TBC1D5: variants seen among roughly 807,000 people sequenced by gnomAD.
TBC1D5 encodes the protein TBC1 domain family, member 5.
TBC1D5 carries 75 observed loss-of-function variants against 100.3 expected under a neutral mutation model. The ratio of observed to expected loss-of-function variants is 0.75; its 90% CI spans 0.62 to 0.91. The LOEUF is 0.91. Among genes scored for constraint, TBC1D5 ranks in the 40% least tolerant of loss-of-function variants. The probability of loss-of-function intolerance (pLI) is 0.00; values close to 1 mark genes in which losing one functional copy is unlikely to be tolerated. For missense variants in TBC1D5, 910 were observed against 942.4 expected, an observed-to-expected ratio of 0.97 and a Z score of 0.45; for synonymous variants, 323 against 325.6, an observed-to-expected ratio of 0.99 and a Z score of 0.09.
In TBC1D5 at chr3:17,616,455, G is replaced by A. The variant is rs558070376; in HGVS notation, c.-36+7394C>T. On this transcript the variant is annotated intron_variant, in intron 2 of 21. Coordinates refer to ENST00000253692, the Ensembl canonical transcript of TBC1D5. ...TCCTGGATATCTTTGTTAACCTTCTGTCTCGGTGATCTGTCTAATACTGAC... is the reference window on the plus strand; with the variant it reads ...TCCTGGATATCTTTGTTAACCTTCTATCTCGGTGATCTGTCTAATACTGAC... 9.9e-5 allele frequency among the ~76,000 whole-genome samples: 15 copies of A among 152,088 alleles called. No individual in the cohort carries two copies. In the South Asian group the frequency reaches 3.1e-3, roughly 32 times the overall value.
At chr3:17,378,805 TAA>T (rs921086875) in intron 9 of TBC1D5, among the ~76,000 whole-genome samples, 6 of 151,530 alleles carry the variant, frequency 4.0e-5, no homozygotes, top group Admixed American at 2.6e-4. Context: ...TTAACTGATA[TAA>T]GTTTAATTTT....
intron 19 of TBC1D5, among the ~76,000 whole-genome samples, chr3:17,178,522 A>G (rs563743021): frequency 7.1e-6 from 1 of 140,878 alleles, no homozygotes; most frequent in East Asian, 3.1e-4. Context: ...CCTTTTGAGT[A>G]TATACCCTGG....
At chr3:17,663,892 C>G (rs749128989) in intron 1 of TBC1D5, among the ~76,000 whole-genome samples, 2 of 152,002 alleles carry the variant, frequency 1.3e-5, no homozygotes, top group Non-Finnish European at 2.9e-5. Flanking sequence ...ATATTTTCTG[C>G]TCACAATATA....
At chr3:17,477,069 G>A (rs1357457499) in intron 3 of TBC1D5, among the ~76,000 whole-genome samples, 1 of 151,770 alleles carries the variant, frequency 6.6e-6, no homozygotes, top group African/African-American at 2.4e-5. Flanking sequence ...TCATATTAAA[G>A]AAGGTCTCCT....
chr3:17,427,161 G>C (rs1446327452), intron 4 of TBC1D5, among the ~76,000 whole-genome samples: 4 of 151,938 alleles, frequency 2.6e-5, no homozygotes, highest in Admixed American at 2.6e-4. Flanking sequence ...AGGTAGGATG[G>C]ATATAGTGAA....
At chr3:17,556,638 A>G (rs2096524051) in intron 2 of TBC1D5, among the ~76,000 whole-genome samples, 1 of 152,228 alleles carries the variant, frequency 6.6e-6, no homozygotes, top group Non-Finnish European at 1.5e-5. Context: ...CAAGAGTGAC[A>G]TTTTTAAAAG....
At chr3:17,254,774 G>GGGC (rs1553636800) in intron 16 of TBC1D5, among the ~76,000 whole-genome samples, 2 of 98,982 alleles carry the variant, frequency 2.0e-5, no homozygotes, top group African/African-American at 7.9e-5. Flanking sequence ...GGTGGGGGGG[G>GGGC]GGTCCCAAGA....
chr3:17,457,673 T>C (rs890041339), intron 3 of TBC1D5, among the ~76,000 whole-genome samples: 9 of 152,212 alleles, frequency 5.9e-5, no homozygotes, highest in African/African-American at 2.2e-4. Context: ...TGTGTTTTGG[T>C]TCTAATTGCT....
chr3:17,646,842 C>T (rs1323916330), intron 1 of TBC1D5: 3 of 152,104 alleles, frequency 2.0e-5, no homozygotes, highest in Non-Finnish European at 4.4e-5. Context: ...GCACCCATCA[C>T]CCAAATAGTG....
chr3:17,186,710 CAAAAAAAAAA>C (rs58438478), intron 18 of TBC1D5, among the ~76,000 whole-genome samples: 6 of 27,280 alleles, frequency 2.2e-4, no homozygotes, highest in South Asian at 5.2e-3. Context: ...ACTCTATCTC[CAAAAAAAAAA>C]AAAAAAAAAA....
At position 17,296,337 on chromosome 3, in the gene TBC1D5, G is replaced by A. The variant is rs192344587; in HGVS notation, c.1139-4336C>T. On this transcript the variant is annotated intron_variant, in intron 14 of 21. Transcript: ENST00000253692. ...AGTGCCTTGCCAGACACCTGGCATA[G>A]AGAAAACATTCAATAAATGTAATGC... Among the ~76,000 whole-genome samples, 123 of 152,310 alleles carry A rather than the reference G, an allele frequency of 8.1e-4. 2 individuals carry two copies. In the East Asian group the frequency reaches 0.012, roughly 15 times the overall value.
At chr3:17,608,415 C>T (rs1226467897) in intron 2 of TBC1D5, among the ~76,000 whole-genome samples, 3 of 152,226 alleles carry the variant, frequency 2.0e-5, no homozygotes, top group South Asian at 4.1e-4. Flanking sequence ...CTGACATGAT[C>T]GTCACTTTAG....
intron 13 of TBC1D5, among the ~76,000 whole-genome samples, chr3:17,312,051 TTGAC>T (rs1315230197): frequency 2.6e-5 from 4 of 152,132 alleles, no homozygotes; most frequent in African/African-American, 4.8e-5. Flanking sequence ...GGGTACTTCT[TTGAC>T]TGATTTTAGG....
intron 2 of TBC1D5, among the ~76,000 whole-genome samples, chr3:17,558,166 T>A (rs898090359): frequency 6.6e-6 from 1 of 152,170 alleles, no homozygotes; most frequent in Non-Finnish European, 1.5e-5. Context: ...ACTCTAAAAT[T>A]TAATCCTTAA....
chr3:17,481,939 C>T (rs1389004514), intron 3 of TBC1D5, among the ~76,000 whole-genome samples: 2 of 152,180 alleles, frequency 1.3e-5, no homozygotes, highest in Non-Finnish European at 2.9e-5. Flanking sequence ...CGGGGTTTTA[C>T]TATGTTCGCC....
intron 2 of TBC1D5, among the ~76,000 whole-genome samples, chr3:17,516,692 T>C (rs1012051947): frequency 6.6e-6 from 1 of 152,188 alleles, no homozygotes. Context: ...TATGCAGATA[T>C]TATCCAATAG....
chr3:17,368,750 A>C (rs2092311253), intron 13 of TBC1D5, among the ~76,000 whole-genome samples: 1 of 151,590 alleles, frequency 6.6e-6, no homozygotes, highest in Admixed American at 6.6e-5. Flanking sequence ...TTACTTTACA[A>C]AAAAATTTGT....
At chr3:17,231,942 T>C (rs2075458592) in intron 17 of TBC1D5, among the ~76,000 whole-genome samples, 1 of 152,152 alleles carries the variant, frequency 6.6e-6, no homozygotes, top group African/African-American at 2.4e-5. Flanking sequence ...CCCGACTATG[T>C]AGGCTTAACT....
At chr3:17,485,918 C>A (rs2095560374) in intron 3 of TBC1D5, among the ~76,000 whole-genome samples, 1 of 152,156 alleles carries the variant, frequency 6.6e-6, no homozygotes, top group African/African-American at 2.4e-5. Flanking sequence ...AATCGCCACA[C>A]TGACTTCCAC....
Sources: gnomAD v4.1 joint callset for allele counts (sites outside exome capture counted in the v4.1 genomes callset) on GRCh38, gnomAD v4.1.1 for gene constraint, MANE v1.5 for transcripts, NCBI Gene and HGNC (gene_info 2026-07-23, HGNC 2026-07-21) for gene names.